The following ZFHX3 variants were observed in gnomAD, a reference collection of about 807,000 sequenced individuals.
ZFHX3 encodes the protein zinc finger homeobox protein 3.
ZFHX3 carries 42 observed loss-of-function variants against 279.1 expected under a neutral mutation model. That is an observed-to-expected ratio of 0.15 (90% CI 0.12 to 0.19). ZFHX3 has a LOEUF of 0.19. Among genes scored for constraint, ZFHX3 ranks in the 10% least tolerant of loss-of-function variants. The probability of loss-of-function intolerance (pLI) is 1.00; values close to 1 mark genes in which losing one functional copy is unlikely to be tolerated. For synonymous variants in ZFHX3, 2,293 were observed against 1,957.8 expected, an observed-to-expected ratio of 1.17 and a Z score of -4.52; for missense variants, 4,981 against 4,754.0, an observed-to-expected ratio of 1.05 and a Z score of -1.40.
chr16:73,188,735 C>G (rs1046430625), intron 5 of ZFHX3, among the ~76,000 whole-genome samples: 1 of 152,112 alleles, frequency 6.6e-6, no homozygotes, highest in African/African-American at 2.4e-5. Flanking sequence ...AGAAGAAAAC[C>G]TGAGAGAGAA....
At chr16:73,666,270 A>G (rs901170482) in intron 2 of ZFHX3, among the ~76,000 whole-genome samples, 2 of 151,998 alleles carry the variant, frequency 1.3e-5, no homozygotes, top group South Asian at 4.1e-4. Context: ...ATAGCAGAGA[A>G]GTTACATGGG....
intron 2 of ZFHX3, among the ~76,000 whole-genome samples, chr16:73,542,967 G>A (rs531213940): frequency 6.6e-6 from 1 of 152,200 alleles, no homozygotes; most frequent in Admixed American, 6.5e-5. Flanking sequence ...ATAGAAATAT[G>A]GCCACTGAAG....
At chr16:73,625,882 G>C (rs972428656) in intron 2 of ZFHX3, among the ~76,000 whole-genome samples, 7 of 152,068 alleles carry the variant, frequency 4.6e-5, no homozygotes, top group Admixed American at 4.6e-4. Flanking sequence ...TTTTGAGATG[G>C]AGTCTCACTG....
intron 3 of ZFHX3, among the ~76,000 whole-genome samples, chr16:73,372,844 G>A (rs767101296): frequency 3.3e-5 from 5 of 152,086 alleles, no homozygotes; most frequent in African/African-American, 9.7e-5. Context: ...CAAAAAGCTC[G>A]CAGCCATCCA....
chr16:73,381,929 A>T (rs1160671474), intron 3 of ZFHX3, among the ~76,000 whole-genome samples: 4 of 152,222 alleles, frequency 2.6e-5, no homozygotes, highest in Non-Finnish European at 5.9e-5. Flanking sequence ...CTAAAATATT[A>T]TGGTCTCTGC....
intron 1 of ZFHX3, among the ~76,000 whole-genome samples, chr16:73,013,154 CA>C (rs1404085443): frequency 5.3e-5 from 8 of 152,338 alleles, no homozygotes; most frequent in Admixed American, 2.0e-4. Flanking sequence ...ATCCTGAACA[CA>C]TCACAGACTG....
chr16:73,128,086 T>C (rs1294274710), intron 7 of ZFHX3, among the ~76,000 whole-genome samples: 1 of 152,224 alleles, frequency 6.6e-6, no homozygotes, highest in African/African-American at 2.4e-5. Flanking sequence ...ATGAATTTTG[T>C]GTGAATAAGG....
chr16:73,004,511 C>T (rs1963634518), intron 1 of ZFHX3, among the ~76,000 whole-genome samples: 2 of 151,266 alleles, frequency 1.3e-5, no homozygotes, highest in Non-Finnish European at 2.9e-5. Context: ...ATGGGGTTTC[C>T]CCATGTTGGC....
At chr16:73,058,015 C>T (rs1965599477) in intron 1 of ZFHX3, among the ~76,000 whole-genome samples, 1 of 144,470 alleles carries the variant, frequency 6.9e-6, no homozygotes, top group Non-Finnish European at 1.5e-5. Context: ...GGGCACTCGG[C>T]ACCGCGGACC....
At chr16:73,156,580 G>C (rs534264258) in intron 5 of ZFHX3, among the ~76,000 whole-genome samples, 1 of 152,266 alleles carries the variant, frequency 6.6e-6, no homozygotes, top group South Asian at 2.1e-4. Context: ...TTTTTAGACA[G>C]GGTCTCACTC....
At chr16:73,270,192 T>C (rs1222945501) in intron 4 of ZFHX3, among the ~76,000 whole-genome samples, 2 of 152,214 alleles carry the variant, frequency 1.3e-5, no homozygotes, top group East Asian at 1.9e-4. Flanking sequence ...TGATTTTAGA[T>C]TGCATTTTCC....
intron 1 of ZFHX3, among the ~76,000 whole-genome samples, chr16:73,032,405 C>G (rs182097815): frequency 3.2e-4 from 48 of 152,280 alleles, no homozygotes; most frequent in Middle Eastern, 6.8e-3. Flanking sequence ...CCTAACTACC[C>G]TTTTAAAAAG....
chr16:73,136,647 C>G (rs890167521), intron 6 of ZFHX3, among the ~76,000 whole-genome samples: 1 of 148,844 alleles, frequency 6.7e-6, no homozygotes, highest in Admixed American at 6.8e-5. Flanking sequence ...ATCACTTGAA[C>G]CCAGGAGGCA....
intron 2 of ZFHX3, among the ~76,000 whole-genome samples, chr16:73,477,648 C>G (rs2018787523): frequency 6.6e-6 from 1 of 152,196 alleles, no homozygotes; most frequent in Non-Finnish European, 1.5e-5. Context: ...ACCACGGGCC[C>G]CAGCACTCTG....
chr16:73,241,561 C>T (rs993424625), intron 5 of ZFHX3, among the ~76,000 whole-genome samples: 3 of 151,814 alleles, frequency 2.0e-5, no homozygotes, highest in Admixed American at 1.3e-4. Flanking sequence ...GATGCCCAGG[C>T]GGGTGGATCA....
chr16:73,527,115 G>A (rs1172224782), intron 2 of ZFHX3, among the ~76,000 whole-genome samples: 2 of 152,008 alleles, frequency 1.3e-5, no homozygotes, highest in East Asian at 1.9e-4. Flanking sequence ...AAGCAATCTT[G>A]CCATCTCAGG....
At chr16:72,915,933 A>G (rs532844295) in intron 3 of ZFHX3, among the ~76,000 whole-genome samples, 1 of 152,376 alleles carries the variant, frequency 6.6e-6, no homozygotes, top group African/African-American at 2.4e-5. Context: ...ACTACTTAAC[A>G]TTTCAAAGTA....
chr16:73,811,177 A>G (rs1231520291), intron 1 of ZFHX3, among the ~76,000 whole-genome samples: 1 of 152,186 alleles, frequency 6.6e-6, no homozygotes, highest in Non-Finnish European at 1.5e-5. Flanking sequence ...ATATTTTTGT[A>G]TCTCTGTTGT....
At chr16:73,383,836 T>C (rs1306510138) in intron 3 of ZFHX3, among the ~76,000 whole-genome samples, 1 of 152,192 alleles carries the variant, frequency 6.6e-6, no homozygotes, top group Non-Finnish European at 1.5e-5. Flanking sequence ...TGCTGGTCTT[T>C]AACAAAACAG....
Sources: allele counts gnomAD v4.1 joint callset (sites outside exome capture counted in the v4.1 genomes callset), GRCh38; gene constraint gnomAD v4.1.1; transcripts MANE v1.5; gene names NCBI Gene and HGNC (gene_info 2026-07-23, HGNC 2026-07-21).